Variants in C17orf107 observed in about 807,000 individuals in gnomAD.
C17orf107 encodes the protein chromosome 17 open reading frame 107.
C17orf107 carries 9 observed loss-of-function variants against 8.9 expected under a neutral mutation model. The ratio of observed to expected loss-of-function variants is 1.02; its 90% CI spans 0.61 to 1.77. C17orf107 has a LOEUF of 1.77. C17orf107 is among the 40% of genes most tolerant of loss of function. C17orf107 has a pLI of 0.00. For synonymous variants in C17orf107, 139 were observed against 120.3 expected (o/e 1.16, Z -1.02); for missense variants, 281 against 249.0 (o/e 1.13, Z -0.86).
chr17:4,900,840 A>G lies in C17orf107; in HGVS notation c.*307A>G, dbSNP rs775157123. 1 of 1,614,160 alleles carries G rather than the reference A, an allele frequency of 6.2e-7. No homozygotes were observed. The highest frequency in any genetic ancestry group is 1.1e-5 in the South Asian group (1 of 91,088). On this transcript the variant is annotated 3_prime_UTR_variant, in exon 3 of 3. Coordinates refer to ENST00000381365, the MANE Select transcript of C17orf107 (RefSeq NM_001145536.2). ...GAGAAGTCTCTGGGATTTTCTGGGC[A>G]ATGAGGAACAAGAAGACGGTCTGGG... is the stretch of plus-strand genomic sequence containing the variant.
Position 4,900,542 on chromosome 17 carries a change from G to A in C17orf107, c.*9G>A. On this transcript the variant is annotated 3_prime_UTR_variant, in exon 3 of 3. Coordinates refer to ENST00000381365, the MANE Select transcript of C17orf107 (RefSeq NM_001145536.2). ...GACACGGGGTGAGTTAGGGGCCAGAGGCGGCGGGGCTAGGGAGGCACTGAG... is the reference window on the plus strand; with the variant it reads ...GACACGGGGTGAGTTAGGGGCCAGAAGCGGCGGGGCTAGGGAGGCACTGAG... 6.4e-7 allele frequency: 1 copy of A among 1,550,624 alleles called. No homozygotes were observed. The highest frequency in any genetic ancestry group is 8.7e-7 in the Non-Finnish European group (1 of 1,146,980).
Position 4,902,619 on chromosome 17 carries a change from A to T in C17orf107, c.*2086A>T. 6.2e-7 allele frequency: 1 copy of T among 1,614,106 alleles called. No homozygotes were observed. Among genetic ancestry groups the T allele is most frequent in the Non-Finnish European group, 8.5e-7 (1 of 1,180,026 alleles). Reference sequence around the variant, plus strand: ...CTTAAGATGAGGGTGGGGGTAGCTTACCAGTGAGATGAGATTCGTCAGGGT... The same window carrying T: ...CTTAAGATGAGGGTGGGGGTAGCTTTCCAGTGAGATGAGATTCGTCAGGGT... On this transcript the variant is annotated 3_prime_UTR_variant, in exon 3 of 3. Coordinates refer to ENST00000381365, the MANE Select transcript of C17orf107 (RefSeq NM_001145536.2). The surrounding 1 kb of genome is among the most constrained non-coding windows in gnomAD (Gnocchi z 4.0).
chr17:4,904,124 TG>T (rs1469829473), downstream of C17orf107, among the ~76,000 whole-genome samples: 3 of 152,226 alleles, frequency 2.0e-5, no homozygotes, highest in African/African-American at 7.2e-5. Context: ...CCCAAAGTGC[TG>T]GGATTATAGG....
At chr17:4,902,979 C>T, downstream of C17orf107, 1 of 1,613,432 alleles carries the variant, frequency 6.2e-7, no homozygotes, top group Non-Finnish European at 8.5e-7. This position sits in a 1 kb window ranked among gnomAD's most constrained non-coding sequence, Gnocchi z 4.0. Context: ...ATGTCAGTAT[C>T]TGTGTGTGTC....
rs1327225681 is a variant in C17orf107 at position 4,899,540 on chromosome 17, C to A, written c.-223C>A. ...ACACGTTGAGCACGATGACGCAATT[C>A]ATGACAATGAGCGTGGCGACCACCA... On this transcript the variant is annotated 5_prime_UTR_variant, in exon 1 of 3. Coordinates refer to ENST00000381365, the MANE Select transcript of C17orf107 (RefSeq NM_001145536.2). The A allele has an allele frequency of 6.2e-7, 1 of 1,603,018 alleles. No homozygotes were observed. Among genetic ancestry groups the A allele is most frequent in the Admixed American group, 1.7e-5 (1 of 58,578 alleles).
downstream of C17orf107, chr17:4,903,146 G>T: frequency 7.1e-7 from 1 of 1,400,528 alleles, no homozygotes; most frequent in South Asian, 1.2e-5. Context: ...AGGGGGAGGA[G>T]GGTGTTAGTT....
chr17:4,904,181 C>CT (rs931413877), downstream of C17orf107, among the ~76,000 whole-genome samples: 8 of 151,808 alleles, frequency 5.3e-5, no homozygotes, highest in South Asian at 2.1e-4. Flanking sequence ...TTTTCTGTTT[C>CT]TTTTTTTGTT....
At position 4,900,806 on chromosome 17, in the gene C17orf107, G is replaced by T; in HGVS notation, c.*273G>T. The T allele has an allele frequency of 6.2e-7, 1 of 1,613,740 alleles. No homozygotes were observed. Among genetic ancestry groups the T allele is most frequent in the South Asian group, 1.1e-5 (1 of 91,054 alleles). ...CTCCGGCTTCACCTGCCCAGGAGCGGCACGCTCAGAGAAGTCTCTGGGATT... is the reference window on the plus strand; with the variant it reads ...CTCCGGCTTCACCTGCCCAGGAGCGTCACGCTCAGAGAAGTCTCTGGGATT... On this transcript the variant is annotated 3_prime_UTR_variant, in exon 3 of 3. Coordinates refer to ENST00000381365, the MANE Select transcript of C17orf107 (RefSeq NM_001145536.2).
In C17orf107 at chr17:4,902,140, T is replaced by TA; in HGVS notation, c.*1608dup. 1.9e-6 allele frequency: 3 copies of TA among 1,612,800 alleles called. No individual in the cohort carries two copies. The highest frequency in any genetic ancestry group is 2.5e-6 in the Non-Finnish European group (3 of 1,179,546). On this transcript the variant is annotated 3_prime_UTR_variant, in exon 3 of 3. Coordinates refer to ENST00000381365, the MANE Select transcript of C17orf107 (RefSeq NM_001145536.2). The surrounding 1 kb of genome is among the most constrained non-coding windows in gnomAD (Gnocchi z 4.0). ...TGCACAGGTCTGCACCCTCTCAGAG[T>TA]ACCCCCTTCCCCAACCAAGTCCAGC... is the stretch of plus-strand genomic sequence containing the variant.
chr17:4,899,555 G>C lies in C17orf107; in HGVS notation c.-208G>C. On this transcript the variant is annotated 5_prime_UTR_variant, in exon 1 of 3. Coordinates refer to ENST00000381365, the MANE Select transcript of C17orf107 (RefSeq NM_001145536.2). ...TGACGCAATTCATGACAATGAGCGT[G>C]GCGACCACCATGACGAAAATAAGGA... The C allele has an allele frequency of 6.3e-7, 1 of 1,596,716 alleles. No homozygotes were observed. Among genetic ancestry groups the C allele is most frequent in the South Asian group, 1.1e-5 (1 of 87,492 alleles).
At position 4,901,620 on chromosome 17, in the gene C17orf107, TGA is replaced by T; in HGVS notation, c.*1091_*1092del. The T allele has an allele frequency of 6.2e-7, 1 of 1,614,018 alleles. No homozygotes were observed. The highest frequency in any genetic ancestry group is 8.5e-7 in the Non-Finnish European group (1 of 1,179,960). On this transcript the variant is annotated 3_prime_UTR_variant, in exon 3 of 3. Transcript: ENST00000381365. ...CTCCACCTCTTCGGCATTGTACGTC[TGA>T]GAGCTGCGGAGCCAGGGCCGGGAGC...
rs1413367510 is a variant in C17orf107 at position 4,901,966 on chromosome 17, G to A, written c.*1433G>A. The A allele has an allele frequency of 6.2e-7, 1 of 1,614,138 alleles. No homozygotes were observed. The stretch of plus-strand genomic sequence containing the variant: ...AGCGAACAGTTCTGCCAATCGAAGG[G>A]GAAGTAGGTGACCTCCACTGCGCAG... On this transcript the variant is annotated 3_prime_UTR_variant, in exon 3 of 3. Transcript: ENST00000381365.
rs776129600 is a variant in C17orf107, at chr17:4,902,017, G to C, written c.*1484G>C. On this transcript the variant is annotated 3_prime_UTR_variant, in exon 3 of 3. Coordinates refer to ENST00000381365, the MANE Select transcript of C17orf107 (RefSeq NM_001145536.2). This position sits in a 1 kb window ranked among gnomAD's most constrained non-coding sequence, Gnocchi z 4.0. ...ACGCTGCGGTAGATGGCCGGAGGCA[G>C]CCACGTCACGGAGCCGCCCTCGTAG... 9.3e-6 allele frequency: 15 copies of C among 1,614,122 alleles called. No homozygotes were observed. Among genetic ancestry groups the C allele is most frequent in the Non-Finnish European group, 1.2e-5 (14 of 1,180,054 alleles).
rs1241156687 is a variant in C17orf107, at chr17:4,900,315, GGT to G, written c.357_358del (p.Ala120SerfsTer122). On this transcript the variant is annotated frameshift_variant, in exon 3 of 3. Transcript: ENST00000381365. LOFTEE classifies it low-confidence loss of function (END_TRUNC). ...CCCAGCCCCAGACGGCAGGGATCCG[GGT>G]GCAGCGCTGAGCCGGGTAGCCCAAG... ...AGPAPDGRDPGAALSRVAQAA... is the reference protein window; with the variant it reads ...AGPAPDGRDPXAALSRVAQAA... The G allele has an allele frequency of 4.5e-6, 7 of 1,545,458 alleles. No individual in the cohort carries two copies. Among genetic ancestry groups the G allele is most frequent in the Non-Finnish European group, 6.1e-6 (7 of 1,146,446 alleles).
rs1399188563 is a variant in C17orf107, at chr17:4,900,092, G to T, written c.223G>T (p.Val75Leu). ...TGCCCCGAAGCCCACCCTGGGGCTGGTGTTGAGAGAAGCCACAGCCAGCCT... is the reference window on the plus strand; with the variant it reads ...TGCCCCGAAGCCCACCCTGGGGCTGTTGTTGAGAGAAGCCACAGCCAGCCT... ...LPAPKPTLGL[V>L]LREATASLVS... Residue 75 changes from valine (V) to leucine (L), a missense_variant, in exon 2 of 3, where the codon GTG becomes TTG. By Grantham distance (32) the Val-to-Leu change is conservative. Coordinates refer to ENST00000381365, the MANE Select transcript of C17orf107 (RefSeq NM_001145536.2). The T allele has an allele frequency of 3.9e-6, 6 of 1,550,900 alleles. No homozygotes were observed. Among genetic ancestry groups the T allele is most frequent in the East Asian group, 2.4e-5 (1 of 40,930 alleles).
At chr17:4,905,180 T>C (rs1417421412), downstream of C17orf107, among the ~76,000 whole-genome samples, 2 of 152,244 alleles carry the variant, frequency 1.3e-5, no homozygotes, top group Non-Finnish European at 2.9e-5. Context: ...CAGCCAGTGA[T>C]GCCAGACTAT....
In C17orf107 at chr17:4,901,295, C is replaced by G. The variant is rs563436065; in HGVS notation, c.*762C>G. The G allele has an allele frequency of 7.6e-7, 1 of 1,307,630 alleles. No homozygotes were observed. Among genetic ancestry groups the G allele is most frequent in the East Asian group, 2.4e-5 (1 of 42,498 alleles). 81.0% of individuals were successfully genotyped at this position (1,307,630 alleles called of 1,614,324 possible). ...GGCTGTCTGCACCAGGGTCATGGGC[C>G]GTCAGGATGGGGGCAATTACGGACA... On this transcript the variant is annotated 3_prime_UTR_variant, in exon 3 of 3. Transcript: ENST00000381365.
rs1366696352 is a variant in C17orf107 at position 4,901,311 on chromosome 17, A to G, written c.*778A>G. 3.5e-6 allele frequency: 4 copies of G among 1,145,586 alleles called. No homozygotes were observed. Among genetic ancestry groups the G allele is most frequent in the East Asian group, 4.9e-5 (2 of 40,926 alleles). The allele number at this position is 1,145,586 out of a possible 1,614,324, so 71.0% of individuals were successfully genotyped here. A position where few individuals can be genotyped will look rare whatever the true frequency, so the allele number is the denominator to read the frequency against. On this transcript the variant is annotated 3_prime_UTR_variant, in exon 3 of 3. Transcript: ENST00000381365. ...GTCATGGGCCGTCAGGATGGGGGCA[A>G]TTACGGACAGAAAAGGGCATTCTCG...
Position 4,899,992 on chromosome 17 carries a change from T to TA in C17orf107, c.123_124insA (p.Glu42ArgfsTer201). 1 of 1,551,472 alleles carries TA rather than the reference T, an allele frequency of 6.4e-7. No homozygotes were observed. Among genetic ancestry groups the TA allele is most frequent in the Admixed American group, 2.0e-5 (1 of 51,000 alleles). ...TGGAACTCTCCGTGGCCGCAGCCCA[T>TA]GAATATCTGGAGCAGAGGTTCAGAG... On this transcript the variant is annotated frameshift_variant, in exon 2 of 3. Coordinates refer to ENST00000381365, the MANE Select transcript of C17orf107 (RefSeq NM_001145536.2). LOFTEE classifies it high-confidence loss of function.
Sources: allele counts gnomAD v4.1 joint callset (sites outside exome capture counted in the v4.1 genomes callset), GRCh38; gene constraint gnomAD v4.1.1; non-coding constraint Gnocchi (gnomAD v3.1); transcripts MANE v1.5; gene names NCBI Gene and HGNC (gene_info 2026-07-23, HGNC 2026-07-21).